PRKCE: variants seen among roughly 807,000 people sequenced by gnomAD.
PRKCE encodes protein kinase C epsilon.
PRKCE carries 16 observed loss-of-function variants against 85.4 expected under a neutral mutation model. That is an observed-to-expected ratio of 0.19 (90% CI 0.13 to 0.28). The LOEUF is 0.28. PRKCE is among the 10% of genes least tolerant of loss of function. PRKCE has a pLI of 1.00. For missense variants in PRKCE, 573 were observed against 975.2 expected (o/e 0.59, Z 5.49); for synonymous variants, 388 against 371.5 (o/e 1.04, Z -0.51).
intron 2 of PRKCE, among the ~76,000 whole-genome samples, chr2:45,963,276 G>C (rs890285236): frequency 2.0e-5 from 3 of 152,068 alleles, no homozygotes; most frequent in Non-Finnish European, 2.9e-5. Context: ...TACCAGCTCA[G>C]ACTGGGTGGC....
At chr2:45,712,272 C>T (rs1262151521) in intron 1 of PRKCE, among the ~76,000 whole-genome samples, 4 of 151,376 alleles carry the variant, frequency 2.6e-5, no homozygotes, top group East Asian at 3.9e-4. Context: ...CTCATCCTCC[C>T]GAGTAGCTGC....
chr2:46,151,558 A>G (rs1437025672), intron 13 of PRKCE, among the ~76,000 whole-genome samples: 1 of 152,146 alleles, frequency 6.6e-6, no homozygotes, highest in Non-Finnish European at 1.5e-5. Context: ...CAGAGGGAAC[A>G]GAAGCAACTC....
At chr2:45,954,059 A>G (rs1261535444) in intron 2 of PRKCE, among the ~76,000 whole-genome samples, 1 of 152,192 alleles carries the variant, frequency 6.6e-6, no homozygotes, top group Non-Finnish European at 1.5e-5. Flanking sequence ...AGACTTTCAA[A>G]TGTCATTTTC....
At chr2:46,007,402 C>G in intron 8 of PRKCE, 60 bp from the exon 9 acceptor site, 1 of 1,550,434 alleles carries the variant, frequency 6.4e-7, no homozygotes, top group Non-Finnish European at 8.8e-7. Flanking sequence ...GTGTTGAGTC[C>G]TAATGTAACA....
At chr2:45,939,513 G>A (rs1699726264) in intron 2 of PRKCE, among the ~76,000 whole-genome samples, 1 of 152,008 alleles carries the variant, frequency 6.6e-6, no homozygotes, top group Non-Finnish European at 1.5e-5. Context: ...AAGTCACTAA[G>A]AGAAAATGTA....
intron 1 of PRKCE, among the ~76,000 whole-genome samples, chr2:45,810,232 G>T (rs938523838): frequency 1.3e-5 from 2 of 151,858 alleles, no homozygotes; most frequent in African/African-American, 4.8e-5. Flanking sequence ...GTAGAGACGG[G>T]GTTTCACCAT....
Position 45,663,521 on chromosome 2 carries a change from C to T in PRKCE, c.348+11073C>T, listed in dbSNP as rs182991168. On this transcript the variant is annotated intron_variant, in intron 1 of 14. Coordinates refer to ENST00000306156, the MANE Select transcript of PRKCE (RefSeq NM_005400.3). Reference sequence around the variant, plus strand: ...AATATAGAAAATGTTGGACAGCTCACGCCTGTAATCCCAGCACTTTGGGAG... The same window carrying T: ...AATATAGAAAATGTTGGACAGCTCATGCCTGTAATCCCAGCACTTTGGGAG... Among the ~76,000 whole-genome samples, 344 of 152,268 alleles carry T rather than the reference C, an allele frequency of 2.3e-3. 2 individuals carry two copies. Among genetic ancestry groups the T allele is most frequent in the African/African-American group, 7.4e-3 (308 of 41,548 alleles).
chr2:45,875,813 C>T (rs559413407), intron 2 of PRKCE, among the ~76,000 whole-genome samples: 1 of 152,336 alleles, frequency 6.6e-6, no homozygotes, highest in East Asian at 1.9e-4. Context: ...TTTGTAAACT[C>T]ATCACAGACG....
rs10695600 is a variant in PRKCE at position 46,061,859 on chromosome 2, C to CTTT, written c.1438-24333_1438-24331dup. On this transcript the variant is annotated intron_variant, in intron 10 of 14. Coordinates refer to ENST00000306156, the MANE Select transcript of PRKCE (RefSeq NM_005400.3). ...TTTTCTTTTCTTTTCTTTTCTTTTT[C>CTTT]TTTTTTTTTTTTTTTTTTGCAACAG... is the stretch of plus-strand genomic sequence containing the variant. Among the ~76,000 whole-genome samples the CTTT allele has an allele frequency of 3.8e-3, 408 of 107,740 alleles. 8 individuals carry two copies. Among genetic ancestry groups the CTTT allele is most frequent in the African/African-American group, 0.012 (294 of 25,186 alleles). The allele number at this position is 107,740 out of a possible 152,430, so 70.7% of individuals were successfully genotyped here.
intron 2 of PRKCE, among the ~76,000 whole-genome samples, chr2:45,939,060 C>T (rs2104178314): frequency 6.6e-6 from 1 of 152,322 alleles, no homozygotes; most frequent in African/African-American, 2.4e-5. Context: ...CAGCACCCTG[C>T]CAGGGTGGAG....
chr2:46,012,920 G>A (rs528036028), intron 10 of PRKCE, among the ~76,000 whole-genome samples: 1 of 152,232 alleles, frequency 6.6e-6, no homozygotes, highest in Non-Finnish European at 1.5e-5. Context: ...ATGGATGGCT[G>A]TAGGGTGAGG....
intron 1 of PRKCE, among the ~76,000 whole-genome samples, chr2:45,778,299 G>C (rs534223195): frequency 6.6e-6 from 1 of 152,142 alleles, no homozygotes; most frequent in South Asian, 2.1e-4. Flanking sequence ...TGGAATCCAG[G>C]AGGCTTTTAT....
At chr2:45,700,883 T>G (rs891042975) in intron 1 of PRKCE, among the ~76,000 whole-genome samples, 1 of 152,140 alleles carries the variant, frequency 6.6e-6, no homozygotes, top group African/African-American at 2.4e-5. Context: ...GACACAGAGA[T>G]AGGAGCTGTG....
At chr2:46,030,948 T>A (rs1707474061) in intron 10 of PRKCE, among the ~76,000 whole-genome samples, 1 of 152,222 alleles carries the variant, frequency 6.6e-6, no homozygotes, top group African/African-American at 2.4e-5. Context: ...TCTTGCACGG[T>A]CCTGTATACA....
chr2:45,659,017 C>T (rs1307577630), intron 1 of PRKCE, among the ~76,000 whole-genome samples: 1 of 152,112 alleles, frequency 6.6e-6, no homozygotes, highest in Non-Finnish European at 1.5e-5. Context: ...TTTACTGTGC[C>T]AATGTCATCT....
At chr2:46,099,880 G>T (rs991910611) in intron 11 of PRKCE, among the ~76,000 whole-genome samples, 3 of 152,154 alleles carry the variant, frequency 2.0e-5, no homozygotes, top group African/African-American at 7.2e-5. Flanking sequence ...TGTGTGCATG[G>T]CCCTATTTCA....
At chr2:46,091,679 G>T (rs1285493667) in intron 11 of PRKCE, among the ~76,000 whole-genome samples, 1 of 152,100 alleles carries the variant, frequency 6.6e-6, no homozygotes, top group East Asian at 1.9e-4. Context: ...AAAGTCGTAG[G>T]GATTTCATGA....
chr2:46,114,411 T>C (rs1241778834), intron 11 of PRKCE, among the ~76,000 whole-genome samples: 2 of 47,234 alleles, frequency 4.2e-5, no homozygotes, highest in East Asian at 1.7e-3. Flanking sequence ...CCAAGGCTTT[T>C]TTTTTTTTTT....
In PRKCE at chr2:45,804,645, T is replaced by C. The variant is rs968141579; in HGVS notation, c.349-38355T>C. Among the ~76,000 whole-genome samples, 7 of 152,328 alleles carry C rather than the reference T, an allele frequency of 4.6e-5. 1 individual carries two copies. Among genetic ancestry groups the C allele is most frequent in the Admixed American group, 2.0e-4 (3 of 15,300 alleles). On this transcript the variant is annotated intron_variant, in intron 1 of 14. Transcript: ENST00000306156. ...CAGCTCCTTGTAGAGGCTGACTTCA[T>C]GGGGAAGGAACATGGTTCCACTCAG...
Sources: gnomAD v4.1 joint callset for allele counts (sites outside exome capture counted in the v4.1 genomes callset) on GRCh38, gnomAD v4.1.1 for gene constraint, MANE v1.5 for transcripts, NCBI Gene and HGNC (gene_info 2026-07-23, HGNC 2026-07-21) for gene names.